GABRR1: variants seen among roughly 807,000 people sequenced by gnomAD.
GABRR1 encodes gamma-aminobutyric acid type A receptor subunit rho1, also known as gamma-aminobutyric acid receptor subunit rho-1.
Under a neutral mutation model 55.5 loss-of-function variants are expected in GABRR1, and 59 were observed. The observed-to-expected ratio is 1.06, with a 90% CI of 0.86 to 1.32. The LOEUF is 1.32. GABRR1 is among the 40% of genes most tolerant of loss of function. GABRR1 has a pLI of 0.00. For missense variants in GABRR1, 602 were observed against 619.1 expected, an observed-to-expected ratio of 0.97 and a Z score of 0.29; for synonymous variants, 213 against 226.0, an observed-to-expected ratio of 0.94 and a Z score of 0.51.
chr6:89,188,009 T>C (rs1771965868), intron 6 of GABRR1, among the ~76,000 whole-genome samples: 1 of 151,862 alleles, frequency 6.6e-6, no homozygotes, highest in Admixed American at 6.5e-5. Context: ...CTGGATCATA[T>C]GTTCTTAATT....
intron 7 of GABRR1, 90 bp from the exon 8 acceptor site, chr6:89,182,147 T>A (rs956876315): frequency 8.4e-7 from 1 of 1,197,122 alleles, no homozygotes; most frequent in Non-Finnish European, 1.2e-6. Flanking sequence ...CCTTAGACAC[T>A]CCAATGGACT....
At chr6:89,223,286 G>A (rs948207972) in intron 1 of GABRR1, among the ~76,000 whole-genome samples, 1 of 152,280 alleles carries the variant, frequency 6.6e-6, no homozygotes, top group Non-Finnish European at 1.5e-5. Context: ...ACTTATGAGT[G>A]AGGACATACA....
At chr6:89,201,287 G>A (rs1398055542) in intron 2 of GABRR1, 22 bp from the exon 3 acceptor site, 4 of 1,514,488 alleles carry the variant, frequency 2.6e-6, no homozygotes, top group Admixed American at 1.7e-5. Flanking sequence ...GAAGAAACCA[G>A]GCTGATCATA....
chr6:89,225,260 C>CTT (rs142038772), intron 1 of GABRR1, among the ~76,000 whole-genome samples: 100 of 137,644 alleles, frequency 7.3e-4, no homozygotes, highest in African/African-American at 2.5e-3. Context: ...TTTCTGTTTG[C>CTT]TTTTTTTTTT....
At chr6:89,222,414 C>G (rs1773128285) in intron 1 of GABRR1, among the ~76,000 whole-genome samples, 1 of 152,196 alleles carries the variant, frequency 6.6e-6, no homozygotes, top group Non-Finnish European at 1.5e-5. Context: ...CACTGCATAT[C>G]TGGAGCCAAA....
At chr6:89,221,835 T>C (rs1416342256), upstream of GABRR1, among the ~76,000 whole-genome samples, 1 of 152,180 alleles carries the variant, frequency 6.6e-6, no homozygotes, top group African/African-American at 2.4e-5. Flanking sequence ...ATTTTTCAGT[T>C]CCTGATGCAG....
intron 5 of GABRR1, among the ~76,000 whole-genome samples, chr6:89,195,054 G>C (rs752045661): frequency 1.4e-4 from 21 of 152,096 alleles, no homozygotes; most frequent in African/African-American, 2.9e-4. Context: ...ACACCAAACA[G>C]AATCAATGCA....
chr6:89,218,184 G>A (rs1773045716), upstream of GABRR1, among the ~76,000 whole-genome samples: 1 of 152,068 alleles, frequency 6.6e-6, no homozygotes, highest in Non-Finnish European at 1.5e-5. Context: ...CCAAACTATT[G>A]ACTCTTCAAA....
chr6:89,204,605 G>A lies in GABRR1; in HGVS notation c.123-1120C>T, dbSNP rs560773057. 6 of 1,268,386 alleles carry A rather than the reference G, an allele frequency of 4.7e-6. No individual in the cohort carries two copies. In the African/African-American group the frequency reaches 9.3e-5, roughly 20 times the overall value. 78.6% of individuals were successfully genotyped at this position (1,268,386 alleles called of 1,614,324 possible). A position where few individuals can be genotyped will look rare whatever the true frequency, so the allele number is the denominator to read the frequency against. Reference sequence around the variant, plus strand: ...TTGGCCCAGCTCTTACTTTGACTTTGGGCCAGCCTGAAATGGAACCAGTCA... The same window carrying A: ...TTGGCCCAGCTCTTACTTTGACTTTAGGCCAGCCTGAAATGGAACCAGTCA... On this transcript the variant is annotated intron_variant, in intron 1 of 9. Transcript: ENST00000454853.
At chr6:89,199,005 T>G (rs1258254608) in intron 4 of GABRR1, among the ~76,000 whole-genome samples, 2 of 152,094 alleles carry the variant, frequency 1.3e-5, no homozygotes, top group Non-Finnish European at 2.9e-5. Context: ...CTCTTTTGCT[T>G]CTTTTGCATT....
chr6:89,182,778 A>G (rs1304733412), intron 7 of GABRR1, among the ~76,000 whole-genome samples: 7 of 152,100 alleles, frequency 4.6e-5, no homozygotes, highest in Non-Finnish European at 8.8e-5. Flanking sequence ...TTGGGAGGCC[A>G]AGGCGGGAGG....
At chr6:89,198,732 T>A (rs1772378119) in intron 4 of GABRR1, among the ~76,000 whole-genome samples, 1 of 152,100 alleles carries the variant, frequency 6.6e-6, no homozygotes, top group African/African-American at 2.4e-5. Flanking sequence ...CCATACCAGT[T>A]CCACAGTAAC....
intron 1 of GABRR1, among the ~76,000 whole-genome samples, chr6:89,214,482 A>G (rs35007480): frequency 0.17 from 25,284 of 151,840 alleles, 2,568 homozygotes; most frequent in African/African-American, 0.28. Flanking sequence ...TTGGAAGAAA[A>G]TATTTGTAAG....
At chr6:89,225,057 AG>A (rs779276138) in intron 1 of GABRR1, among the ~76,000 whole-genome samples, 12 of 152,340 alleles carry the variant, frequency 7.9e-5, no homozygotes, top group Admixed American at 3.9e-4. Flanking sequence ...CTGGGATTAT[AG>A]GCGAGAGCCA....
At chr6:89,220,692 G>T (rs1346382929), upstream of GABRR1, among the ~76,000 whole-genome samples, 1 of 152,086 alleles carries the variant, frequency 6.6e-6, no homozygotes, top group Non-Finnish European at 1.5e-5. Flanking sequence ...CTGACTTACT[G>T]AACTATAACA....
At position 89,203,425 on chromosome 6, in the gene GABRR1, A is replaced by G. The variant is rs1365379295; in HGVS notation, c.173+10T>C. The G allele has an allele frequency of 6.2e-7, 1 of 1,612,086 alleles. No homozygotes were observed. The highest frequency in any genetic ancestry group is 8.5e-7 in the Non-Finnish European group (1 of 1,178,174). Reference sequence around the variant, plus strand: ...TCTGCAGAACAGTGTGCACGTGCTTATGGCCATACCTGACTTGCTTGTGGG... The same window carrying G: ...TCTGCAGAACAGTGTGCACGTGCTTGTGGCCATACCTGACTTGCTTGTGGG... On this transcript the variant is annotated intron_variant, in intron 2 of 9. Coordinates refer to ENST00000454853, the MANE Select transcript of GABRR1 (RefSeq NM_002042.5).
At chr6:89,214,434 G>A (rs1373850001) in intron 1 of GABRR1, among the ~76,000 whole-genome samples, 1 of 151,662 alleles carries the variant, frequency 6.6e-6, no homozygotes, top group Non-Finnish European at 1.5e-5. Flanking sequence ...CTGCACAGCA[G>A]AATAAATAAC....
At chr6:89,220,087 A>G (rs1773091511), upstream of GABRR1, among the ~76,000 whole-genome samples, 1 of 152,194 alleles carries the variant, frequency 6.6e-6, no homozygotes, top group African/African-American at 2.4e-5. Context: ...GGAGCTGAGT[A>G]CATCAAAATG....
rs746255857 is a variant in GABRR1 at position 89,178,794 on chromosome 6, TA to T, written c.1415del (p.Leu472Ter). The T allele has an allele frequency of 1.5e-5, 24 of 1,613,836 alleles. No homozygotes were observed. The highest frequency in any genetic ancestry group is 1.9e-5 in the Non-Finnish European group (22 of 1,179,816). On this transcript the variant is annotated frameshift_variant, in exon 10 of 10. Transcript: ENST00000454853. LOFTEE classifies it high-confidence loss of function. ...IFPAAYILFN[L>X]IYWSIFS ...TCTAGGAGAAAATAGACCAGTATAT[TA>T]AATTGAATAAAATGTATGCTGCTGG...
Sources: gnomAD v4.1 joint callset for allele counts (sites outside exome capture counted in the v4.1 genomes callset) on GRCh38, gnomAD v4.1.1 for gene constraint, MANE v1.5 for transcripts, NCBI Gene and HGNC (gene_info 2026-07-23, HGNC 2026-07-21) for gene names.